Variants in NOVA1 observed in about 807,000 individuals in gnomAD.
NOVA1 encodes the protein RNA-binding protein Nova-1.
A neutral mutation model predicts 38.0 loss-of-function variants in NOVA1; 7 were observed. That is an observed-to-expected ratio of 0.18 (90% confidence interval 0.10 to 0.35). NOVA1 has a LOEUF of 0.35. Among genes scored for constraint, NOVA1 ranks in the 10% least tolerant of loss-of-function variants. The pLI is 1.00. For synonymous variants in NOVA1, 270 were observed against 232.5 expected, an observed-to-expected ratio of 1.16 and a Z score of -1.47; for missense variants, 460 against 616.0, an observed-to-expected ratio of 0.75 and a Z score of 2.68.
intron 2 of NOVA1, among the ~76,000 whole-genome samples, chr14:26,557,422 G>A (rs984856284): frequency 6.6e-6 from 1 of 152,040 alleles, no homozygotes; most frequent in Non-Finnish European, 1.5e-5. Flanking sequence ...AGGCTTGAGT[G>A]CAGGCTGCTC....
intron 2 of NOVA1, among the ~76,000 whole-genome samples, chr14:26,496,241 C>T (rs1211111265): frequency 3.3e-4 from 50 of 152,204 alleles, no homozygotes; most frequent in African/African-American, 1.0e-3. Flanking sequence ...ATTTCTCTGA[C>T]GACCAGTGAT....
At chr14:26,514,058 T>C (rs1174749916) in intron 2 of NOVA1, among the ~76,000 whole-genome samples, 2 of 151,768 alleles carry the variant, frequency 1.3e-5, no homozygotes, top group African/African-American at 4.8e-5. Flanking sequence ...TTAATATGAA[T>C]GTCAATAACT....
intron 2 of NOVA1, among the ~76,000 whole-genome samples, chr14:26,488,969 A>C (rs551326038): frequency 1.3e-5 from 2 of 152,216 alleles, no homozygotes; most frequent in African/African-American, 2.4e-5. Flanking sequence ...TGTGATACCA[A>C]CTCAAGCTAA....
At chr14:26,516,149 T>C (rs146391258) in intron 2 of NOVA1, among the ~76,000 whole-genome samples, 1 of 152,270 alleles carries the variant, frequency 6.6e-6, no homozygotes, top group East Asian at 1.9e-4. Flanking sequence ...GAATAATATA[T>C]TTGTAACGGT....
chr14:26,443,916 T>C lies in NOVA1; in HGVS notation c.*4043A>G, dbSNP rs1357881722. The C allele has an allele frequency of 6.6e-6, 1 of 152,052 alleles. No individual in the cohort carries two copies. The highest frequency in any genetic ancestry group is 2.1e-4 in the South Asian group (1 of 4,824). 9.4% of individuals were successfully genotyped at this position (152,052 alleles called of 1,614,324 possible). On this transcript the variant is annotated 3_prime_UTR_variant, in exon 5 of 5. Coordinates refer to ENST00000539517, the MANE Select transcript of NOVA1 (RefSeq NM_002515.3). The stretch of plus-strand genomic sequence containing the variant: ...TAACAGAGTAACTAGTCTCAAATAG[T>C]GCCTGTGATGTAAGGGGTATTAAAT...
chr14:26,495,779 G>A (rs546217606), intron 2 of NOVA1, among the ~76,000 whole-genome samples: 8 of 146,604 alleles, frequency 5.5e-5, no homozygotes, highest in African/African-American at 1.7e-4. Context: ...AGTTTACTGA[G>A]AATGATGATT....
intron 3 of NOVA1, 198 bp downstream of exon 3, chr14:26,479,779 T>C (rs2138291889): frequency 2.1e-6 from 1 of 481,048 alleles, no homozygotes; most frequent in Middle Eastern, 5.5e-4. Flanking sequence ...AATAAATGAA[T>C]AATTCAATTG....
intron 2 of NOVA1, among the ~76,000 whole-genome samples, chr14:26,488,370 C>T (rs944705943): frequency 1.3e-5 from 2 of 152,106 alleles, no homozygotes; most frequent in Non-Finnish European, 2.9e-5. Flanking sequence ...TCCAGCTTGT[C>T]GTTCATTCAT....
At chr14:26,570,959 C>T (rs1892437166) in intron 2 of NOVA1, among the ~76,000 whole-genome samples, 1 of 151,320 alleles carries the variant, frequency 6.6e-6, no homozygotes, top group African/African-American at 2.4e-5. Flanking sequence ...TATTTTTTCT[C>T]GTTTAACCCA....
intron 4 of NOVA1, among the ~76,000 whole-genome samples, chr14:26,463,221 T>A (rs1262830820): frequency 6.6e-6 from 1 of 152,180 alleles, no homozygotes; most frequent in Non-Finnish European, 1.5e-5. Context: ...TTCTAAGTAT[T>A]GGTGCAGTAA....
At chr14:26,556,202 A>G (rs776123006) in intron 2 of NOVA1, among the ~76,000 whole-genome samples, 4 of 152,174 alleles carry the variant, frequency 2.6e-5, no homozygotes, top group Non-Finnish European at 4.4e-5. Context: ...TATTAAAGGA[A>G]AAGAACAAAG....
At chr14:26,562,254 C>T (rs1310270158) in intron 2 of NOVA1, among the ~76,000 whole-genome samples, 1 of 152,152 alleles carries the variant, frequency 6.6e-6, no homozygotes, top group Non-Finnish European at 1.5e-5. Context: ...CTTTCTGTCA[C>T]TTACTAGCCC....
In NOVA1 at chr14:26,597,993, G is replaced by A. The variant is rs967083171; in HGVS notation, c.-557C>T. On this transcript the variant is annotated 5_prime_UTR_variant, in exon 1 of 5. Transcript: ENST00000539517. ...CCGCGCTAGCGTTGCGCTCGCTCCC[G>A]CTGCTGGTGCTGCCGCCGCCGCCGC... 8.6e-5 allele frequency among the ~76,000 whole-genome samples: 13 copies of A among 151,726 alleles called. No individual in the cohort carries two copies. The East Asian group carries it at 2.6e-3, about 30-fold the overall frequency.
At chr14:26,493,139 C>T (rs1886482732) in intron 2 of NOVA1, among the ~76,000 whole-genome samples, 1 of 151,932 alleles carries the variant, frequency 6.6e-6, no homozygotes, top group Non-Finnish European at 1.5e-5. Context: ...ATTTTTTCAA[C>T]ATTAATTATT....
intron 4 of NOVA1, among the ~76,000 whole-genome samples, chr14:26,468,578 T>G (rs1884335441): frequency 6.6e-6 from 1 of 152,080 alleles, no homozygotes; most frequent in African/African-American, 2.4e-5. Context: ...TAATACAGGA[T>G]TGAAAAGAGA....
intron 2 of NOVA1, among the ~76,000 whole-genome samples, chr14:26,511,570 G>A (rs1888089141): frequency 6.6e-6 from 1 of 151,924 alleles, no homozygotes; most frequent in Admixed American, 6.6e-5. Flanking sequence ...TGGCCAACAT[G>A]GTGAAACCCT....
intron 2 of NOVA1, among the ~76,000 whole-genome samples, chr14:26,512,460 A>G (rs1888172983): frequency 6.6e-6 from 1 of 152,190 alleles, no homozygotes; most frequent in African/African-American, 2.4e-5. Flanking sequence ...TTTTATTAAA[A>G]CACAACCACA....
intron 2 of NOVA1, among the ~76,000 whole-genome samples, chr14:26,550,660 C>T (rs955149392): frequency 2.0e-5 from 3 of 152,124 alleles, no homozygotes; most frequent in Non-Finnish European, 1.5e-5. Context: ...CATCTCCTAG[C>T]TCTAGGCACA....
rs1165961846 is a variant in NOVA1 at position 26,487,266 on chromosome 14, CT to C, written c.281-7124del. 7.2e-5 allele frequency among the ~76,000 whole-genome samples: 11 copies of C among 152,154 alleles called. No homozygotes were observed. In the East Asian group the frequency reaches 1.9e-3, roughly 27 times the overall value. On this transcript the variant is annotated intron_variant, in intron 2 of 4. Transcript: ENST00000539517. ...TTCTCTGAAGCTCACAACTACAGACCTTTTGTTTCCTTTCTATGTCCCTATA... is the reference window on the plus strand; with the variant it reads ...TTCTCTGAAGCTCACAACTACAGACCTTTGTTTCCTTTCTATGTCCCTATA...
Sources: allele counts gnomAD v4.1 joint callset (sites outside exome capture counted in the v4.1 genomes callset), GRCh38; gene constraint gnomAD v4.1.1; transcripts MANE v1.5; gene names NCBI Gene and HGNC (gene_info 2026-07-23, HGNC 2026-07-21).